The following EML4 variants were observed in gnomAD, a reference collection of about 807,000 sequenced individuals.
The protein encoded by EML4 is EMAP like 4, also known as echinoderm microtubule-associated protein-like 4.
A neutral mutation model predicts 129.0 loss-of-function variants in EML4; 72 were observed. That is an observed-to-expected ratio of 0.56 (90% CI 0.46 to 0.68). The LOEUF (loss-of-function observed/expected upper bound fraction) is 0.68, where lower values mean the gene tolerates loss of function less well. Among genes scored for constraint, EML4 ranks in the 30% least tolerant of loss-of-function variants. EML4 has a pLI of 0.00. For missense variants in EML4, 1,363 were observed against 1,190.6 expected, an observed-to-expected ratio of 1.14 and a Z score of -2.13; for synonymous variants, 532 against 405.0, an observed-to-expected ratio of 1.31 and a Z score of -3.77.
intron 1 of EML4, among the ~76,000 whole-genome samples, chr2:42,195,089 T>A (rs1018925094): frequency 7.9e-5 from 12 of 152,192 alleles, no homozygotes; most frequent in Non-Finnish European, 1.5e-4. Flanking sequence ...GAAGCTGTAT[T>A]TTTTTAGGTC....
intron 1 of EML4, among the ~76,000 whole-genome samples, chr2:42,235,463 AAAAC>A (rs1304400255): frequency 2.0e-5 from 3 of 152,248 alleles, no homozygotes; most frequent in Middle Eastern, 3.4e-3. Context: ...ACTGTGTCTC[AAAAC>A]AAACAAAACA....
At chr2:42,216,412 T>G (rs548386740) in intron 1 of EML4, among the ~76,000 whole-genome samples, 1 of 151,750 alleles carries the variant, frequency 6.6e-6, no homozygotes, top group East Asian at 1.9e-4. Context: ...CTGGCTAATT[T>G]TTGTGTTTTT....
At chr2:42,175,238 C>G (rs748269169) in intron 1 of EML4, among the ~76,000 whole-genome samples, 5 of 151,954 alleles carry the variant, frequency 3.3e-5, no homozygotes, top group South Asian at 2.1e-4. Context: ...TCAAGCCTCC[C>G]GAGTAGCTGG....
At chr2:42,329,133 A>C in intron 22 of EML4, 117 bp downstream of exon 22, 1 of 965,156 alleles carries the variant, frequency 1.0e-6, no homozygotes, top group Non-Finnish European at 1.5e-6. Context: ...CAGTGCACAG[A>C]GGGAGATAAG....
intron 1 of EML4, chr2:42,169,887 C>G (rs1226381436): frequency 7.2e-6 from 3 of 415,704 alleles, no homozygotes; most frequent in Non-Finnish European, 1.3e-5. Flanking sequence ...CCCTCGTTCC[C>G]CCAAAGTGGG....
chr2:42,178,557 A>AC (rs1670750843), intron 1 of EML4, among the ~76,000 whole-genome samples: 1 of 152,156 alleles, frequency 6.6e-6, no homozygotes, highest in Non-Finnish European at 1.5e-5. Context: ...CTCAAATAAG[A>AC]AAGAGGATTT....
intron 8 of EML4, 78 bp from the exon 9 acceptor site, chr2:42,284,556 T>A: frequency 2.1e-6 from 2 of 947,340 alleles, no homozygotes; most frequent in South Asian, 3.8e-5. Context: ...AACTGCTTAT[T>A]TGAAAAATGT....
chr2:42,203,671 C>G (rs1292159667), intron 1 of EML4, among the ~76,000 whole-genome samples: 1 of 149,940 alleles, frequency 6.7e-6, no homozygotes, highest in Non-Finnish European at 1.5e-5. Context: ...TCCCTCCCCC[C>G]ACATATTTTG....
At chr2:42,242,745 G>GTCTCT (rs897846292) in intron 1 of EML4, among the ~76,000 whole-genome samples, 1 of 137,500 alleles carries the variant, frequency 7.3e-6, no homozygotes, top group African/African-American at 2.8e-5. Context: ...GTCTCGTCTC[G>GTCTCT]TCTCTTCTTT....
intron 13 of EML4, among the ~76,000 whole-genome samples, chr2:42,298,771 C>T (rs1052106645): frequency 3.3e-5 from 5 of 151,852 alleles, no homozygotes; most frequent in African/African-American, 1.2e-4. Context: ...TTTAGAAATA[C>T]GGAAAGCAGA....
chr2:42,325,585 ATATGCTATGATTATATT>A (rs1669744004), intron 20 of EML4, 31 bp downstream of exon 20: 1 of 342,992 alleles, frequency 2.9e-6, no homozygotes, highest in African/African-American at 2.2e-5. Flanking sequence ...ATATATATAT[ATATGCTATGATTATATT>A]TATATATATA....
chr2:42,198,765 T>C (rs977593851), intron 1 of EML4, among the ~76,000 whole-genome samples: 6 of 152,130 alleles, frequency 3.9e-5, no homozygotes, highest in African/African-American at 1.2e-4. Context: ...TTGGAAAATG[T>C]AGAGAGACCA....
intron 6 of EML4, among the ~76,000 whole-genome samples, chr2:42,280,252 AGAAAT>A (rs1207188623): frequency 1.4e-4 from 21 of 152,250 alleles, no homozygotes; most frequent in Non-Finnish European, 2.9e-5. Flanking sequence ...GACTTCTTGT[AGAAAT>A]GTGTCAACTT....
intron 5 of EML4, 45 bp from the exon 6 acceptor site, chr2:42,264,661 A>G (rs759947127): frequency 1.8e-6 from 2 of 1,118,936 alleles, no homozygotes; most frequent in Non-Finnish European, 2.7e-6. Context: ...ATGGTTAGCC[A>G]TATAAACTTA....
intron 2 of EML4, among the ~76,000 whole-genome samples, chr2:42,255,747 TAAGG>T (rs1326300771): frequency 1.3e-5 from 2 of 152,218 alleles, no homozygotes; most frequent in Admixed American, 1.3e-4. Context: ...GAATCTATAT[TAAGG>T]AAGCACGTTA....
chr2:42,325,436 GCTTT>G, intron 19 of EML4, 27 bp from the exon 20 acceptor site: 1 of 1,046,626 alleles, frequency 9.6e-7, no homozygotes, highest in Non-Finnish European at 1.5e-6. Flanking sequence ...AACTCTAAAT[GCTTT>G]CTAACAATTT....
chr2:42,175,402 C>T (rs774475427), intron 1 of EML4, among the ~76,000 whole-genome samples: 1 of 152,152 alleles, frequency 6.6e-6, no homozygotes, highest in Non-Finnish European at 1.5e-5. Context: ...CGTGAGCCAC[C>T]GCACCTGGCC....
intron 17 of EML4, among the ~76,000 whole-genome samples, chr2:42,310,942 G>A (rs1166410241): frequency 6.6e-6 from 1 of 152,180 alleles, no homozygotes; most frequent in East Asian, 1.9e-4. Context: ...TATGGAAGTT[G>A]TATATCTTTA....
Position 42,261,216 on chromosome 2 carries a change from C to G in EML4, c.434C>G (p.Pro145Arg), listed in dbSNP as rs201901757. 2 of 1,613,950 alleles carry G rather than the reference C, an allele frequency of 1.2e-6. No individual in the cohort carries two copies. The highest frequency in any genetic ancestry group is 2.7e-5 in the African/African-American group (2 of 75,002). Residue 145 changes from proline to arginine, a missense_variant, in exon 4 of 23, where the codon CCT becomes CGT. Pro to Arg is a moderately radical substitution (Grantham distance 103). Transcript: ENST00000318522. Reference sequence around the variant, plus strand: ...CAAAGTCCACAAATTCGAGCATCACCTTCTCCCCAGCCCTCTTCACAACCT... The same window carrying G: ...CAAAGTCCACAAATTCGAGCATCACGTTCTCCCCAGCCCTCTTCACAACCT... Reference protein sequence around the residue: ...NDQSPQIRASPSPQPSSQPLQ... With the variant: ...NDQSPQIRASRSPQPSSQPLQ...
Sources: gnomAD v4.1 joint callset for allele counts (sites outside exome capture counted in the v4.1 genomes callset) on GRCh38, gnomAD v4.1.1 for gene constraint, MANE v1.5 for transcripts, NCBI Gene and HGNC (gene_info 2026-07-23, HGNC 2026-07-21) for gene names.